SUPT20H: variants seen among roughly 807,000 people sequenced by gnomAD.
SUPT20H encodes the protein SPT20 homolog, SAGA complex component.
In SUPT20H, 82 loss-of-function variants were observed where a neutral mutation model predicts 122.8. The observed-to-expected ratio is 0.67, with a 90% CI of 0.56 to 0.80. SUPT20H has a LOEUF of 0.80. Ranked by LOEUF, SUPT20H falls within the 30% of genes least tolerant of loss-of-function variation. The probability of loss-of-function intolerance (pLI) is 0.00; values close to 1 mark genes in which losing one functional copy is unlikely to be tolerated. For missense variants in SUPT20H, 831 were observed against 921.6 expected (o/e 0.90, Z 1.27); for synonymous variants, 291 against 313.0 (o/e 0.93, Z 0.74).
chr13:37,046,635 C>T (rs1297577412), intron 5 of SUPT20H, among the ~76,000 whole-genome samples: 2 of 152,080 alleles, frequency 1.3e-5, no homozygotes, highest in Non-Finnish European at 2.9e-5. Flanking sequence ...TTAGAATCTT[C>T]ATATATGTAG....
rs2061450247 is a variant in SUPT20H, at chr13:37,021,449, T to C, written c.1815A>G (p.Ala605=). The C allele has an allele frequency of 6.2e-7, 1 of 1,602,946 alleles. No homozygotes were observed. The change falls in exon 21 of 26, where the codon GCA becomes GCG. Residue 605 remains alanine, a splice_region_variant and synonymous_variant. Transcript: ENST00000350612. ...GGTTATTATTTCCAACATTCTGACC[T>C]GCTTGAGAAGCTGCCTGCATTGCAC... ...LPSAMQAASQ[A]GVPFGLKNTS...
chr13:37,040,460 T>A lies in SUPT20H; in HGVS notation c.514-2A>T. ...TGAATGTACATCACAAATTAAAGTC[T>A]AGAAGAAATAAAAATTTAAAAAACT... On this transcript the variant is annotated splice_acceptor_variant, in intron 8 of 25. Coordinates refer to ENST00000350612, the MANE Select transcript of SUPT20H (RefSeq NM_001014286.3). LOFTEE classifies it high-confidence loss of function. 6.3e-7 allele frequency: 1 copy of A among 1,580,134 alleles called. No homozygotes were observed.
chr13:37,019,300 A>G, intron 22 of SUPT20H, 42 bp downstream of exon 22: 2 of 1,492,122 alleles, frequency 1.3e-6, no homozygotes, highest in Non-Finnish European at 1.8e-6. Context: ...AAAAAAAGTC[A>G]ATGTACAAAA....
chr13:37,051,363 C>T (rs1197023243), intron 2 of SUPT20H, 125 bp downstream of exon 2: 22 of 916,578 alleles, frequency 2.4e-5, no homozygotes, highest in Non-Finnish European at 3.4e-5. Context: ...TAAGTAATTT[C>T]CCAGTTGGGA....
At chr13:37,044,500 A>C (rs2066055545) in intron 6 of SUPT20H, among the ~76,000 whole-genome samples, 1 of 152,160 alleles carries the variant, frequency 6.6e-6, no homozygotes, top group African/African-American at 2.4e-5. Context: ...AAGACCAATT[A>C]ATCTAATCTG....
At chr13:37,017,884 CTCTT>C (rs1185586501) in intron 22 of SUPT20H, among the ~76,000 whole-genome samples, 1 of 152,110 alleles carries the variant, frequency 6.6e-6, no homozygotes, top group African/African-American at 2.4e-5. Flanking sequence ...CCACTACTTT[CTCTT>C]TCATTCAAAT....
chr13:37,035,474 T>C (rs2064174750), intron 9 of SUPT20H, among the ~76,000 whole-genome samples: 1 of 151,176 alleles, frequency 6.6e-6, no homozygotes, highest in African/African-American at 2.4e-5. Flanking sequence ...TATAATCTCA[T>C]GATCAAACTT....
intron 7 of SUPT20H, 74 bp from the exon 8 acceptor site, chr13:37,040,766 T>G (rs892267174): frequency 1.3e-5 from 15 of 1,120,670 alleles, no homozygotes; most frequent in Non-Finnish European, 1.9e-5. Flanking sequence ...ATCAAACATT[T>G]CGCATTCTTT....
intron 9 of SUPT20H, chr13:37,038,607 C>T (rs896971292): frequency 6.6e-6 from 1 of 152,206 alleles, no homozygotes; most frequent in African/African-American, 2.4e-5. Context: ...ACTACCATTA[C>T]TGATATTTTC....
intron 7 of SUPT20H, among the ~76,000 whole-genome samples, chr13:37,042,223 C>G (rs1165628394): frequency 1.3e-5 from 2 of 152,112 alleles, no homozygotes; most frequent in Admixed American, 6.5e-5. Context: ...ATCTGTTAGA[C>G]TGAAGAGACT....
intron 22 of SUPT20H, 99 bp downstream of exon 22, chr13:37,019,243 G>T: frequency 2.4e-6 from 2 of 826,154 alleles, no homozygotes; most frequent in South Asian, 2.0e-5. Flanking sequence ...AATCTAAACA[G>T]ACCTCAGAAT....
intron 15 of SUPT20H, 82 bp from the exon 16 acceptor site, chr13:37,026,318 T>G: frequency 9.3e-7 from 1 of 1,077,000 alleles, no homozygotes; most frequent in Non-Finnish European, 1.3e-6. Context: ...CTTTTGAATC[T>G]TCCATGTTTT....
rs773896533 is a variant in SUPT20H, at chr13:37,047,569, T to C, written c.131A>G (p.Tyr44Cys). ...AGGTTCTTTTTCACATTCTTCAATA[T>C]ACAAGTCATAAAGTTTTTGAAATAC... ...KSVFQKLYDLYIEECEKEPEV... is the reference protein window; with the variant it reads ...KSVFQKLYDLCIEECEKEPEV... Residue 44 changes from tyrosine (Y) to cysteine (C), a missense_variant, in exon 5 of 26, where the codon TAT becomes TGT. Tyr to Cys is a radical substitution (Grantham distance 194). Transcript: ENST00000350612. 7.0e-6 allele frequency: 10 copies of C among 1,433,268 alleles called. No individual in the cohort carries two copies. The highest frequency in any genetic ancestry group is 9.3e-6 in the Non-Finnish European group (10 of 1,072,864). The allele number at this position is 1,433,268 out of a possible 1,614,324, so 88.8% of individuals were successfully genotyped here.
rs781724508 is a variant in SUPT20H at position 37,022,945 on chromosome 13, GCA to G, written c.1592-867_1592-866del. ...AGAAAATCTGTTGTGAATGAAGTAT[GCA>G]CAGTTTATCAATTTTTTAAAAAACA... On this transcript the variant is annotated intron_variant, in intron 19 of 25. Transcript: ENST00000350612. This position sits in a 1 kb window ranked among gnomAD's most constrained non-coding sequence, Gnocchi z 4.5. 4.5e-5 allele frequency: 56 copies of G among 1,232,582 alleles called. No homozygotes were observed. The highest frequency in any genetic ancestry group is 5.6e-5 in the Non-Finnish European group (54 of 960,536). The allele number at this position is 1,232,582 out of a possible 1,614,324, so 76.4% of individuals were successfully genotyped here. A position where few individuals can be genotyped will look rare whatever the true frequency, so the allele number is the denominator to read the frequency against.
Position 37,054,723 on chromosome 13 carries a change from C to G in SUPT20H, c.-93-3140G>C, listed in dbSNP as rs150827774. On this transcript the variant is annotated intron_variant, in intron 1 of 25. Transcript: ENST00000350612. ...AACTGGCACAAGACAGGGATGACCTCTCTCACTACTCCTATTCAACATAGT... is the reference window on the plus strand; with the variant it reads ...AACTGGCACAAGACAGGGATGACCTGTCTCACTACTCCTATTCAACATAGT... 5.3e-5 allele frequency among the ~76,000 whole-genome samples: 8 copies of G among 152,302 alleles called. No homozygotes were observed. The East Asian group carries it at 1.5e-3, about 29-fold the overall frequency.
chr13:37,032,305 AGCTATG>A (rs1235582274), intron 10 of SUPT20H, among the ~76,000 whole-genome samples: 1 of 152,170 alleles, frequency 6.6e-6, no homozygotes, highest in Non-Finnish European at 1.5e-5. Flanking sequence ...AGAAGGAATT[AGCTATG>A]GAAAGATGGG....
Position 37,022,471 on chromosome 13 carries a change from A to G in SUPT20H, c.1592-391T>C. The G allele has an allele frequency of 7.8e-7, 1 of 1,287,346 alleles. No homozygotes were observed. The allele number at this position is 1,287,346 out of a possible 1,614,324, so 79.7% of individuals were successfully genotyped here. ...AAGTGTTAATTTCTACACATGATAC[A>G]TGAGTGTTGCTACACTCAATTACAA... On this transcript the variant is annotated intron_variant, in intron 19 of 25. Transcript: ENST00000350612. This position sits in a 1 kb window ranked among gnomAD's most constrained non-coding sequence, Gnocchi z 4.5.
chr13:37,025,344 C>G lies in SUPT20H; in HGVS notation c.1305G>C (p.Gln435His). Residue 435 changes from glutamine to histidine, a missense_variant, in exon 17 of 26, where the codon CAG becomes CAC. By Grantham distance (24) the Gln-to-His change is conservative (BLOSUM62 0). Transcript: ENST00000350612. ...HSSSGSASLS[Q>H]VSPGKETDQT... Reference sequence around the variant, plus strand: ...CATCTGTTTCTTTCCCTGGAGAAACCTGACTCAGACTGGCTGAGCCACTGG... The same window carrying G: ...CATCTGTTTCTTTCCCTGGAGAAACGTGACTCAGACTGGCTGAGCCACTGG... 6.2e-7 allele frequency: 1 copy of G among 1,613,738 alleles called. No homozygotes were observed. Among genetic ancestry groups the G allele is most frequent in the Non-Finnish European group, 8.5e-7 (1 of 1,179,704 alleles).
rs757355789 is a variant in SUPT20H, at chr13:37,025,364, C to T, written c.1285G>A (p.Gly429Ser). Residue 429 changes from glycine (G) to serine (S), a missense_variant, in exon 17 of 26, where the codon GGC (glycine) becomes AGC (serine). By Grantham distance (56) the Gly-to-Ser change is moderately conservative. Transcript: ENST00000350612. ...CPVKMSHSSS[G>S]SASLSQVSPG... The stretch of plus-strand genomic sequence containing the variant: ...GAAACCTGACTCAGACTGGCTGAGC[C>T]ACTGGAGCTGTGTGACATCTTGACC... 1.2e-6 allele frequency: 2 copies of T among 1,613,986 alleles called. No homozygotes were observed. The highest frequency in any genetic ancestry group is 8.5e-7 in the Non-Finnish European group (1 of 1,179,896).
Sources: allele counts gnomAD v4.1 joint callset (sites outside exome capture counted in the v4.1 genomes callset), GRCh38; gene constraint gnomAD v4.1.1; non-coding constraint Gnocchi (gnomAD v3.1); transcripts MANE v1.5; gene names NCBI Gene and HGNC (gene_info 2026-07-23, HGNC 2026-07-21).